POPDC3: variants seen among roughly 807,000 people sequenced by gnomAD.
POPDC3 encodes popeye domain-containing protein 3.
In POPDC3, 20 loss-of-function variants were observed where a neutral mutation model predicts 28.2. The observed-to-expected ratio is 0.71, with a 90% confidence interval of 0.50 to 1.03. The LOEUF (loss-of-function observed/expected upper bound fraction) is 1.03, where lower values mean the gene tolerates loss of function less well. Ranked by LOEUF, POPDC3 falls within the 50% of genes least tolerant of loss-of-function variation. The pLI is 0.00. For synonymous variants in POPDC3, 118 were observed against 124.1 expected (o/e 0.95, Z 0.33); for missense variants, 316 against 345.9 (o/e 0.91, Z 0.69).
rs779659706 is a variant in POPDC3, at chr6:105,161,873, C to T, written c.37G>A (p.Asp13Asn). The T allele has an allele frequency of 1.0e-5, 16 of 1,607,142 alleles. No individual in the cohort carries two copies. The South Asian group carries it at 1.5e-4, about 15-fold the overall frequency. ...RNSSLWKNLIDEHPVCTTWKQ... is the reference protein window; with the variant it reads ...RNSSLWKNLINEHPVCTTWKQ... ...CAGGTTGTGCAGACTGGGTGTTCAT[C>T]TATTAGGTTCTTCCATAAACTTGAA... Residue 13 changes from aspartate to asparagine, a missense_variant, in exon 2 of 4, where the codon GAT becomes AAT. Transcript: ENST00000254765.
chr6:105,158,428 G>A lies in POPDC3; in HGVS notation c.*42C>T. On this transcript the variant is annotated 3_prime_UTR_variant, in exon 4 of 4. Transcript: ENST00000254765. ...TGCTATTTCACTGGGGAATGATGAA[G>A]AGAGAGTCTTTTTTTATACTTATAA... 1 of 1,499,882 alleles carries A rather than the reference G, an allele frequency of 6.7e-7. No homozygotes were observed. Among genetic ancestry groups the A allele is most frequent in the Non-Finnish European group, 9.0e-7 (1 of 1,111,688 alleles). The allele number at this position is 1,499,882 out of a possible 1,614,324, so 92.9% of individuals were successfully genotyped here. A position where few individuals can be genotyped will look rare whatever the true frequency, so the allele number is the denominator to read the frequency against.
chr6:105,176,685 T>C (rs982923255), intron 1 of POPDC3, among the ~76,000 whole-genome samples: 4 of 151,980 alleles, frequency 2.6e-5, no homozygotes, highest in Non-Finnish European at 5.9e-5. Context: ...GCCTCCCAAG[T>C]AGCTGGGACT....
At chr6:105,179,414 G>A (rs1012044420) in intron 1 of POPDC3, among the ~76,000 whole-genome samples, 4 of 152,140 alleles carry the variant, frequency 2.6e-5, no homozygotes, top group African/African-American at 9.7e-5. Context: ...CCCTAGGAAC[G>A]GCTTTTCTCC....
At chr6:105,174,015 C>T (rs1774633621) in intron 1 of POPDC3, among the ~76,000 whole-genome samples, 1 of 152,154 alleles carries the variant, frequency 6.6e-6, no homozygotes, top group African/African-American at 2.4e-5. Context: ...CTTTAGGACT[C>T]CGGGCAGAAA....
At chr6:105,166,376 A>C (rs1040648314) in intron 1 of POPDC3, among the ~76,000 whole-genome samples, 6 of 134,616 alleles carry the variant, frequency 4.5e-5, no homozygotes, top group African/African-American at 1.7e-4. Context: ...GGGGCACTGA[A>C]TTTTTTTCAC....
chr6:105,176,678 T>G (rs372368470), intron 1 of POPDC3, among the ~76,000 whole-genome samples: 103 of 152,258 alleles, frequency 6.8e-4, no homozygotes, highest in Non-Finnish European at 1.3e-3. Flanking sequence ...TGCCTCAGCC[T>G]CCCAAGTAGC....
intron 3 of POPDC3, among the ~76,000 whole-genome samples, chr6:105,159,497 T>C (rs779158696): frequency 6.6e-6 from 1 of 152,224 alleles, no homozygotes; most frequent in Non-Finnish European, 1.5e-5. Context: ...CTTCCTGTCA[T>C]ATGTAGCACC....
At chr6:105,173,849 A>G (rs9486047) in intron 1 of POPDC3, among the ~76,000 whole-genome samples, 28,472 of 77,546 alleles carry the variant, frequency 0.37, 4,263 homozygotes, top group African/African-American at 0.5. Context: ...AAAAGCATTC[A>G]TAATGGGAAA....
rs962171634 is a variant in POPDC3, at chr6:105,158,138, G to A, written c.*332C>T. 5 of 198,600 alleles carry A rather than the reference G, an allele frequency of 2.5e-5. No homozygotes were observed. The highest frequency in any genetic ancestry group is 5.1e-5 in the Non-Finnish European group (5 of 98,268). The allele number at this position is 198,600 out of a possible 1,614,324, so 12.3% of individuals were successfully genotyped here. On this transcript the variant is annotated 3_prime_UTR_variant, in exon 4 of 4. Coordinates refer to ENST00000254765, the MANE Select transcript of POPDC3 (RefSeq NM_022361.5). ...GGCTCTTTCTTGAGAAGCAACTCCT[G>A]AGTCTATAGGGCAAGACAATGCATT... is the stretch of plus-strand genomic sequence containing the variant.
chr6:105,167,285 G>A (rs1473393394), intron 1 of POPDC3, among the ~76,000 whole-genome samples: 1 of 140,812 alleles, frequency 7.1e-6, no homozygotes, highest in Non-Finnish European at 1.5e-5. Flanking sequence ...CTGATGCTCT[G>A]AGTAGCAGAA....
intron 1 of POPDC3, among the ~76,000 whole-genome samples, chr6:105,172,110 A>C (rs1774588260): frequency 6.6e-6 from 1 of 151,294 alleles, no homozygotes; most frequent in African/African-American, 2.4e-5. Context: ...ACAAAATGGG[A>C]GAAAATTTTT....
intron 3 of POPDC3, 93 bp downstream of exon 3, chr6:105,159,618 G>T: frequency 1.4e-6 from 1 of 708,590 alleles, no homozygotes; most frequent in Non-Finnish European, 2.4e-6. Context: ...AAATATTCTT[G>T]TCTTATCCAC....
chr6:105,166,868 T>TTGTG (rs5878839), intron 1 of POPDC3, among the ~76,000 whole-genome samples: 7,800 of 148,990 alleles, frequency 0.052, 191 homozygotes, highest in Middle Eastern at 0.13. Flanking sequence ...ACATAGATGG[T>TTGTG]TGTGTGTGTG....
intron 1 of POPDC3, among the ~76,000 whole-genome samples, chr6:105,163,261 A>G (rs962626856): frequency 2.6e-5 from 4 of 152,184 alleles, no homozygotes; most frequent in East Asian, 1.9e-4. Flanking sequence ...TGTTACTTAC[A>G]TATTTATTTA....
At chr6:105,174,420 G>A (rs1774643388) in intron 1 of POPDC3, among the ~76,000 whole-genome samples, 1 of 152,214 alleles carries the variant, frequency 6.6e-6, no homozygotes, top group Non-Finnish European at 1.5e-5. Flanking sequence ...ATATAATCCG[G>A]AGGTAAGGAA....
At chr6:105,168,622 C>G (rs1025916887) in intron 1 of POPDC3, 1 of 152,248 alleles carries the variant, frequency 6.6e-6, no homozygotes, top group Non-Finnish European at 1.5e-5. Context: ...CATTCCCTCT[C>G]CTTCAGTGTG....
At chr6:105,175,265 A>G (rs553553274) in intron 1 of POPDC3, among the ~76,000 whole-genome samples, 218 of 150,260 alleles carry the variant, frequency 1.5e-3, no homozygotes, top group Non-Finnish European at 2.4e-3. Context: ...GGGGCTGGGT[A>G]TAGTGGCTCA....
At chr6:105,175,624 C>G (rs1774670283) in intron 1 of POPDC3, among the ~76,000 whole-genome samples, 1 of 151,984 alleles carries the variant, frequency 6.6e-6, no homozygotes, top group Admixed American at 6.6e-5. Flanking sequence ...GGAGGATCAC[C>G]TGAGGTCAGG....
In POPDC3 at chr6:105,158,345, G is replaced by T; in HGVS notation, c.*125C>A. 1 of 745,606 alleles carries T rather than the reference G, an allele frequency of 1.3e-6. No individual in the cohort carries two copies. Among genetic ancestry groups the T allele is most frequent in the Non-Finnish European group, 2.1e-6 (1 of 479,206 alleles). 46.2% of individuals were successfully genotyped at this position (745,606 alleles called of 1,614,324 possible). A position where few individuals can be genotyped will look rare whatever the true frequency, so the allele number is the denominator to read the frequency against. ...TGAAAGGAATAAAACAGTTGGCAAT[G>T]GCATCTCGCTTCTGAATTTGATTTA... On this transcript the variant is annotated 3_prime_UTR_variant, in exon 4 of 4. Transcript: ENST00000254765.
Sources: allele counts gnomAD v4.1 joint callset (sites outside exome capture counted in the v4.1 genomes callset), GRCh38; gene constraint gnomAD v4.1.1; transcripts MANE v1.5; gene names NCBI Gene and HGNC (gene_info 2026-07-23, HGNC 2026-07-21).